CTBP2: variants seen among roughly 807,000 people sequenced by gnomAD.
CTBP2 encodes C-terminal-binding protein 2.
A neutral mutation model predicts 80.3 loss-of-function variants in CTBP2; 30 were observed. The observed-to-expected ratio is 0.37, with a 90% CI of 0.28 to 0.51. The LOEUF (loss-of-function observed/expected upper bound fraction) is 0.51, where lower values mean the gene tolerates loss of function less well. Among genes scored for constraint, CTBP2 ranks in the 20% least tolerant of loss-of-function variants. CTBP2 has a pLI of 0.93. For synonymous variants in CTBP2, 594 were observed against 587.4 expected, an observed-to-expected ratio of 1.01 and a Z score of -0.16; for missense variants, 1,212 against 1,375.3, an observed-to-expected ratio of 0.88 and a Z score of 1.88.
rs775225139 is a variant in CTBP2, at chr10:125,026,311, T to G, written c.1449A>C (p.Ala483=). 6.2e-7 allele frequency: 1 copy of G among 1,613,886 alleles called. No homozygotes were observed. The highest frequency in any genetic ancestry group is 8.5e-7 in the Non-Finnish European group (1 of 1,179,952). Residue 483 remains alanine, a synonymous_variant, in exon 1 of 9, where the codon GCA becomes GCC. Transcript: ENST00000309035. ...TTAGCAGCTCCATGGGCACCGTGTA[T>G]GCCGTGGAGTAGGCTGTTCTGGGGC...
At chr10:125,098,003 C>G (rs1849810795) in intron 2 of CTBP2, among the ~76,000 whole-genome samples, 1 of 152,098 alleles carries the variant, frequency 6.6e-6, no homozygotes, top group African/African-American at 2.4e-5. Flanking sequence ...CGCCTGTAGT[C>G]CCAGCTACTA....
At chr10:125,031,589 A>C (rs1958220237), upstream of CTBP2, among the ~76,000 whole-genome samples, 1 of 151,798 alleles carries the variant, frequency 6.6e-6, no homozygotes, top group Admixed American at 6.6e-5. Context: ...GGCTAATCTA[A>C]CGCAAAGGGT....
At chr10:125,067,060 G>T (rs186441996) in intron 2 of CTBP2, among the ~76,000 whole-genome samples, 1 of 152,262 alleles carries the variant, frequency 6.6e-6, no homozygotes, top group Admixed American at 6.5e-5. Context: ...CTGCTATGTG[G>T]GGCGATTCAT....
Position 124,988,192 on chromosome 10 carries a change from A to C in CTBP2, c.*1326T>G, listed in dbSNP as rs1952126454. The C allele has an allele frequency of 6.6e-6, 1 of 152,614 alleles. No individual in the cohort carries two copies. The highest frequency in any genetic ancestry group is 1.5e-5 in the Non-Finnish European group (1 of 68,038). The allele number at this position is 152,614 out of a possible 1,614,324, so 9.5% of individuals were successfully genotyped here. ...AAACTTTTTGTTATCACAGGTAATT[A>C]ATTGTCAGCGGTCTTGAGTCTGGTT... On this transcript the variant is annotated 3_prime_UTR_variant, in exon 9 of 9. Coordinates refer to ENST00000309035, the MANE Select transcript of CTBP2 (RefSeq NM_022802.3).
intron 1 of CTBP2, among the ~76,000 whole-genome samples, chr10:125,003,918 C>T (rs905767350): frequency 1.3e-5 from 2 of 152,208 alleles, no homozygotes; most frequent in Admixed American, 6.5e-5. Context: ...CACAAACAGG[C>T]GGCCTGGGCA....
chr10:124,989,758 C>T (rs1952337803), intron 8 of CTBP2, 60 bp from the exon 11 acceptor site: 3 of 1,467,386 alleles, frequency 2.0e-6, no homozygotes, highest in African/African-American at 2.8e-5. Flanking sequence ...AAGCTCTTGG[C>T]TCTTCTACTT....
At chr10:125,076,750 A>G (rs1846329807) in intron 2 of CTBP2, among the ~76,000 whole-genome samples, 1 of 152,232 alleles carries the variant, frequency 6.6e-6, no homozygotes, top group Admixed American at 6.5e-5. Flanking sequence ...GAGTTGTAGC[A>G]GGGGTTAACA....
At chr10:125,045,303 C>T (rs919179764) in intron 2 of CTBP2, among the ~76,000 whole-genome samples, 13 of 152,258 alleles carry the variant, frequency 8.5e-5, no homozygotes, top group African/African-American at 2.9e-4. Flanking sequence ...GCCACTCAGT[C>T]GATGGTATTT....
At chr10:124,993,777 C>A in intron 6 of CTBP2, 78 bp downstream of exon 8, 4 of 1,512,540 alleles carry the variant, frequency 2.6e-6, no homozygotes, top group Non-Finnish European at 3.5e-6. Context: ...GGGAAAAGGG[C>A]CTCGAGTTCA....
intron 2 of CTBP2, among the ~76,000 whole-genome samples, chr10:125,043,164 G>A (rs908278518): frequency 6.6e-6 from 1 of 152,202 alleles, no homozygotes; most frequent in Non-Finnish European, 1.5e-5. Context: ...CATTTTTGAA[G>A]ACGTGAGAGA....
intron 1 of CTBP2, among the ~76,000 whole-genome samples, chr10:125,142,192 C>T (rs573232992): frequency 6.6e-6 from 1 of 152,318 alleles, no homozygotes; most frequent in Admixed American, 6.5e-5. Flanking sequence ...CGACTCAAGA[C>T]TGCAGTGACT....
At chr10:124,998,807 G>C (rs1954021827) in intron 3 of CTBP2, 1 of 156,384 alleles carries the variant, frequency 6.4e-6, no homozygotes. Flanking sequence ...GAGCAGACAG[G>C]ATGCCCTCCC....
rs531168284 is a variant in CTBP2 at position 125,058,996 on chromosome 10, C to T, written c.-101-19841G>A. Among the ~76,000 whole-genome samples the T allele has an allele frequency of 1.2e-3, 181 of 152,272 alleles. 2 individuals carry two copies. Among genetic ancestry groups the T allele is most frequent in the African/African-American group, 4.2e-3 (174 of 41,542 alleles). Reference sequence around the variant, plus strand: ...CACATCCCCACGGTCAGGCAGGTGACGAGGACCTTCAGGAGATTTCCTTAC... The same window carrying T: ...CACATCCCCACGGTCAGGCAGGTGATGAGGACCTTCAGGAGATTTCCTTAC... On this transcript the variant is annotated intron_variant, in intron 2 of 10. Coordinates refer to the CTBP2 transcript ENST00000337195.
At chr10:125,057,371 A>G (rs529386942) in intron 2 of CTBP2, among the ~76,000 whole-genome samples, 1 of 152,302 alleles carries the variant, frequency 6.6e-6, no homozygotes, top group East Asian at 1.9e-4. Flanking sequence ...GAGGAACAAC[A>G]AAAACCCCTT....
chr10:125,121,599 C>A (rs1270093593), intron 1 of CTBP2, among the ~76,000 whole-genome samples: 2 of 152,236 alleles, frequency 1.3e-5, no homozygotes, highest in African/African-American at 4.8e-5. Flanking sequence ...TGAAGAAACT[C>A]TGCAAACACA....
intron 2 of CTBP2, among the ~76,000 whole-genome samples, chr10:125,080,680 C>A (rs1847044873): frequency 6.6e-6 from 1 of 152,170 alleles, no homozygotes; most frequent in African/African-American, 2.4e-5. Context: ...CAGCTGAAGT[C>A]ATCAATTATT....
chr10:125,031,267 T>C (rs1403500448), upstream of CTBP2, among the ~76,000 whole-genome samples: 1 of 152,006 alleles, frequency 6.6e-6, no homozygotes, highest in Non-Finnish European at 1.5e-5. Flanking sequence ...GTGGGGCGGA[T>C]CACCTGATGT....
intron 2 of CTBP2, among the ~76,000 whole-genome samples, chr10:125,084,231 A>C (rs1001627241): frequency 5.9e-5 from 9 of 152,356 alleles, no homozygotes; most frequent in African/African-American, 2.2e-4. Context: ...GTGGGATTAC[A>C]GGTGTGAGCC....
At chr10:124,993,776 G>A (rs1953048960) in intron 6 of CTBP2, 79 bp downstream of exon 8, 12 of 1,507,758 alleles carry the variant, frequency 8.0e-6, no homozygotes, top group Non-Finnish European at 9.8e-6. Flanking sequence ...TGGGAAAAGG[G>A]CCTCGAGTTC....
Sources: gnomAD v4.1 joint callset for allele counts (sites outside exome capture counted in the v4.1 genomes callset) on GRCh38, gnomAD v4.1.1 for gene constraint, MANE v1.5 for transcripts, NCBI Gene and HGNC (gene_info 2026-07-23, HGNC 2026-07-21) for gene names.